CLYBL: variants seen among roughly 807,000 people sequenced by gnomAD.
CLYBL encodes the protein citramalyl-CoA lyase, mitochondrial.
In CLYBL, 31 loss-of-function variants were observed where a neutral mutation model predicts 38.9. The ratio of observed to expected loss-of-function variants is 0.80; its 90% CI spans 0.60 to 1.08. The LOEUF is 1.08. CLYBL is among the 50% of genes least tolerant of loss of function. The pLI, the probability that CLYBL is intolerant of heterozygous loss-of-function variation, is 0.00. For missense variants in CLYBL, 434 were observed against 411.6 expected, an observed-to-expected ratio of 1.05 and a Z score of -0.47; for synonymous variants, 171 against 158.6, an observed-to-expected ratio of 1.08 and a Z score of -0.59.
chr13:99,861,234 G>A (rs889427898), intron 3 of CLYBL, among the ~76,000 whole-genome samples: 10 of 151,934 alleles, frequency 6.6e-5, no homozygotes, highest in Non-Finnish European at 1.3e-4. Flanking sequence ...GAAAGAGGGG[G>A]AGGAGGAGGA....
chr13:99,795,771 C>T (rs1215992041), intron 2 of CLYBL, among the ~76,000 whole-genome samples: 2 of 152,156 alleles, frequency 1.3e-5, no homozygotes, highest in African/African-American at 4.8e-5. Context: ...CTTTGGTTTC[C>T]CAAAGACTAT....
chr13:99,730,628 G>T (rs953443826), intron 1 of CLYBL, among the ~76,000 whole-genome samples: 2 of 152,186 alleles, frequency 1.3e-5, no homozygotes, highest in African/African-American at 2.4e-5. Flanking sequence ...GGGAGCAGCA[G>T]AGCCGCCCAA....
At chr13:99,622,609 AC>A in intron 1 of CLYBL, among the ~76,000 whole-genome samples, 1 of 152,238 alleles carries the variant, frequency 6.6e-6, no homozygotes, top group African/African-American at 2.4e-5. Context: ...TAGTACATTC[AC>A]CATATTGTGC....
intron 1 of CLYBL, among the ~76,000 whole-genome samples, chr13:99,609,407 C>T (rs2046591186): frequency 6.6e-6 from 1 of 152,070 alleles, no homozygotes; most frequent in South Asian, 2.1e-4. Context: ...GATCTTCTGA[C>T]CTCGTGATCC....
intron 2 of CLYBL, among the ~76,000 whole-genome samples, chr13:99,835,238 GC>G (rs2050908591): frequency 6.6e-6 from 1 of 152,190 alleles, no homozygotes. Flanking sequence ...CAAAGCAACA[GC>G]AGCTCAAACC....
chr13:99,828,807 GTTA>G (rs1339836358), intron 2 of CLYBL, among the ~76,000 whole-genome samples: 2 of 152,074 alleles, frequency 1.3e-5, no homozygotes, highest in Admixed American at 6.6e-5. Flanking sequence ...CTCATTGCTT[GTTA>G]TTTCACTGTG....
rs139033962 is a variant in CLYBL, at chr13:99,888,565, C to A, written c.928-2753C>A. The stretch of plus-strand genomic sequence containing the variant: ...AGGAGTTCGAGACCAGCCTGGACAA[C>A]ATGGTGAAACCCAGTCTCTACTAAA... On this transcript the variant is annotated intron_variant, in intron 7 of 8. Coordinates refer to ENST00000339105, the MANE Select transcript of CLYBL (RefSeq NM_206808.5). Among the ~76,000 whole-genome samples the A allele has an allele frequency of 7.9e-3, 1,201 of 152,150 alleles. 22 individuals are homozygous for A. The highest frequency in any genetic ancestry group is 0.028 in the African/African-American group (1,163 of 41,504).
At chr13:99,704,619 A>G (rs768544738) in intron 1 of CLYBL, among the ~76,000 whole-genome samples, 3 of 152,190 alleles carry the variant, frequency 2.0e-5, no homozygotes, top group Non-Finnish European at 2.9e-5. Flanking sequence ...AGTACTTTCT[A>G]TGAGCCAGGT....
intron 2 of CLYBL, among the ~76,000 whole-genome samples, chr13:99,857,113 A>G (rs1479828473): frequency 6.6e-6 from 1 of 151,346 alleles, no homozygotes; most frequent in Non-Finnish European, 1.5e-5. Context: ...TCAGGAGTTC[A>G]AGGTCAGCCT....
rs1481200156 is a variant in CLYBL at position 99,865,088 on chromosome 13, C to T, written c.634+177C>T. On this transcript the variant is annotated intron_variant, in intron 5 of 8. Coordinates refer to ENST00000339105, the MANE Select transcript of CLYBL (RefSeq NM_206808.5). This position sits in a 1 kb window ranked among gnomAD's most constrained non-coding sequence, Gnocchi z 4.7. ...TACTTCCTGATAATTTAGGGCTCCT[C>T]ATAGCTGCCCTGCTTCTAGAGCACT... 1.5e-6 allele frequency: 1 copy of T among 656,962 alleles called. No individual in the cohort carries two copies. The highest frequency in any genetic ancestry group is 2.9e-6 in the Non-Finnish European group (1 of 349,384). 40.7% of individuals were successfully genotyped at this position (656,962 alleles called of 1,614,324 possible).
At chr13:99,620,736 C>T (rs765753337) in intron 1 of CLYBL, among the ~76,000 whole-genome samples, 3 of 150,278 alleles carry the variant, frequency 2.0e-5, no homozygotes, top group Non-Finnish European at 2.9e-5. Context: ...GAGATCCTGC[C>T]ATTGCACTCC....
At chr13:99,799,820 T>C (rs2050096251) in intron 2 of CLYBL, among the ~76,000 whole-genome samples, 1 of 152,238 alleles carries the variant, frequency 6.6e-6, no homozygotes, top group Non-Finnish European at 1.5e-5. Flanking sequence ...ACCCTGGTTT[T>C]CTGGTACAGG....
intron 1 of CLYBL, among the ~76,000 whole-genome samples, chr13:99,638,083 C>T (rs1294558377): frequency 6.7e-6 from 1 of 149,252 alleles, no homozygotes; most frequent in Non-Finnish European, 1.5e-5. Context: ...CCTACCTTAG[C>T]CTCCTGAGTA....
intron 1 of CLYBL, among the ~76,000 whole-genome samples, chr13:99,766,554 T>C (rs1344681691): frequency 6.6e-6 from 1 of 152,184 alleles, no homozygotes; most frequent in Non-Finnish European, 1.5e-5. Context: ...TTTGGGGAGA[T>C]CATGATTCCC....
chr13:99,747,938 G>A (rs1418070721), intron 1 of CLYBL, among the ~76,000 whole-genome samples: 1 of 151,976 alleles, frequency 6.6e-6, no homozygotes, highest in Non-Finnish European at 1.5e-5. Context: ...TTTTAATTGT[G>A]GTAAAATATA....
At chr13:99,822,786 C>T (rs1415670288) in intron 2 of CLYBL, among the ~76,000 whole-genome samples, 3 of 152,172 alleles carry the variant, frequency 2.0e-5, no homozygotes, top group Non-Finnish European at 4.4e-5. Flanking sequence ...TGAAAATTAG[C>T]CTTCTTTGTT....
intron 1 of CLYBL, among the ~76,000 whole-genome samples, chr13:99,720,324 G>A (rs972595525): frequency 2.0e-5 from 3 of 151,846 alleles, no homozygotes; most frequent in East Asian, 1.9e-4. Context: ...CCAGTCTTTC[G>A]TATTCCCTGT....
At position 99,782,401 on chromosome 13, in the gene CLYBL, A is replaced by T. The variant is rs780458631; in HGVS notation, c.249+9391A>T. Among the ~76,000 whole-genome samples the T allele has an allele frequency of 2.0e-5, 3 of 152,106 alleles. No homozygotes were observed. The East Asian group carries it at 5.8e-4, about 29-fold the overall frequency. ...GCGCACCTGTAGTCCCACCCTCAGGAGGCTAAGACAGGAGAATTGCTTGAA... is the reference window on the plus strand; with the variant it reads ...GCGCACCTGTAGTCCCACCCTCAGGTGGCTAAGACAGGAGAATTGCTTGAA... On this transcript the variant is annotated intron_variant, in intron 2 of 8. Transcript: ENST00000339105.
intron 1 of CLYBL, among the ~76,000 whole-genome samples, chr13:99,613,736 A>T (rs1468717180): frequency 6.6e-6 from 1 of 152,216 alleles, no homozygotes; most frequent in Non-Finnish European, 1.5e-5. Flanking sequence ...ACTCACTCAG[A>T]GTAAGGATGA....
Sources: gnomAD v4.1 joint callset for allele counts (sites outside exome capture counted in the v4.1 genomes callset) on GRCh38, gnomAD v4.1.1 for gene constraint, Gnocchi (gnomAD v3.1) non-coding constraint, MANE v1.5 for transcripts, NCBI Gene and HGNC (gene_info 2026-07-23, HGNC 2026-07-21) for gene names.